Variants in EPC2 observed in about 807,000 individuals in gnomAD.
EPC2 encodes the protein enhancer of polycomb homolog 2.
A neutral mutation model predicts 92.1 loss-of-function variants in EPC2; 14 were observed. The observed-to-expected ratio is 0.15, with a 90% confidence interval of 0.10 to 0.24. EPC2 has a LOEUF of 0.24. EPC2 is among the 10% of genes least tolerant of loss of function. The pLI, the probability that EPC2 is intolerant of heterozygous loss-of-function variation, is 1.00. For synonymous variants in EPC2, 340 were observed against 334.7 expected (o/e 1.02, Z -0.17); for missense variants, 755 against 971.5 (o/e 0.78, Z 2.96).
Position 148,783,582 on chromosome 2 carries a change from T to C in EPC2, c.1858-15T>C. The C allele has an allele frequency of 6.3e-7, 1 of 1,593,432 alleles. No individual in the cohort carries two copies. Among genetic ancestry groups the C allele is most frequent in the Non-Finnish European group, 8.6e-7 (1 of 1,168,662 alleles). ...CATCTAAAAATTAGAGTGTTTAACT[T>C]TGTTCATTTTATAGGGCTCAAGCAC... On this transcript the variant is annotated splice_polypyrimidine_tract_variant and intron_variant, in intron 11 of 13. Transcript: ENST00000258484.
Position 148,653,952 on chromosome 2 carries a change from T to G in EPC2, c.153+8782T>G, listed in dbSNP as rs1680737808. Among the ~76,000 whole-genome samples, 11 of 101,548 alleles carry G rather than the reference T, an allele frequency of 1.1e-4. No homozygotes were observed. The South Asian group carries it at 5.4e-3, about 50-fold the overall frequency. The allele number at this position is 101,548 out of a possible 152,430, so 66.6% of individuals were successfully genotyped here. ...TTTTAAAGATTACTTTTTTTTTTGT[T>G]TTTTTTTTTTTTGGAGACAGGGTCT... On this transcript the variant is annotated intron_variant, in intron 1 of 13. Coordinates refer to ENST00000258484, the MANE Select transcript of EPC2 (RefSeq NM_015630.4).
At chr2:148,675,490 A>AT (rs1004194584) in intron 1 of EPC2, among the ~76,000 whole-genome samples, 8 of 151,916 alleles carry the variant, frequency 5.3e-5, no homozygotes, top group Admixed American at 1.3e-4. Context: ...TCTTCTGTTC[A>AT]TTTTTTTAGA....
intron 2 of EPC2, among the ~76,000 whole-genome samples, chr2:148,698,012 G>T (rs1558812727): frequency 2.0e-5 from 3 of 151,944 alleles, no homozygotes; most frequent in Non-Finnish European, 2.9e-5. Context: ...CCTCAGTCAA[G>T]TGGGCTTTAT....
chr2:148,775,261 G>T (rs1038189716), intron 10 of EPC2, among the ~76,000 whole-genome samples: 7 of 152,038 alleles, frequency 4.6e-5, no homozygotes, highest in African/African-American at 1.7e-4. Context: ...TTTAAAAGTT[G>T]CAAGGTCTTA....
intron 1 of EPC2, among the ~76,000 whole-genome samples, chr2:148,670,625 A>AAAATAAAATT (rs1558803848): frequency 6.6e-6 from 1 of 152,240 alleles, no homozygotes; most frequent in East Asian, 1.9e-4. Context: ...AGCATGTCAA[A>AAAATAAAATT]CGTGGTTCTA....
Position 148,769,251 on chromosome 2 carries a change from T to C in EPC2, c.1230+11T>C, listed in dbSNP as rs756144596. ...TGCCAGTATTATGCTGTAAGAACTT[T>C]TGTGTGTGTGTGGTGTTTTTGTGAA... On this transcript the variant is annotated intron_variant, in intron 8 of 13. Coordinates refer to ENST00000258484, the MANE Select transcript of EPC2 (RefSeq NM_015630.4). The C allele has an allele frequency of 3.8e-6, 6 of 1,590,698 alleles. No homozygotes were observed. The highest frequency in any genetic ancestry group is 1.3e-5 in the African/African-American group (1 of 74,684).
At position 148,784,957 on chromosome 2, in the gene EPC2, A is replaced by G; in HGVS notation, c.2307A>G (p.Arg769=). ...CCACAGTTGCTGCCAGTATGGACAG[A>G]GTGCCAAAGGTTACTCCCAGCAGTG... ...KLATVAASMD[R]VPKVTPSSAI... Residue 769 remains arginine (R), a synonymous_variant, in exon 13 of 14, where the codon AGA becomes AGG. Coordinates refer to ENST00000258484, the MANE Select transcript of EPC2 (RefSeq NM_015630.4). 6.4e-7 allele frequency: 1 copy of G among 1,556,214 alleles called. No homozygotes were observed. The highest frequency in any genetic ancestry group is 1.3e-5 in the South Asian group (1 of 79,778).
intron 3 of EPC2, among the ~76,000 whole-genome samples, chr2:148,752,979 T>A (rs1683107851): frequency 6.6e-6 from 1 of 152,190 alleles, no homozygotes; most frequent in Non-Finnish European, 1.5e-5. Flanking sequence ...TCTAAAATAA[T>A]ACAAGTAAAA....
At position 148,787,378 on chromosome 2, in the gene EPC2, GTC is replaced by G. The variant is rs1308316236; in HGVS notation, c.*1003_*1004del. On this transcript the variant is annotated 3_prime_UTR_variant, in exon 14 of 14. Coordinates refer to ENST00000258484, the MANE Select transcript of EPC2 (RefSeq NM_015630.4). ...CAAGGCAAGTAACGGGTTGGAAAAA[GTC>G]TGACTGTAAGCGTTGGACACCTTCA... 6.6e-6 allele frequency: 1 copy of G among 152,606 alleles called. No individual in the cohort carries two copies. Among genetic ancestry groups the G allele is most frequent in the Non-Finnish European group, 1.5e-5 (1 of 68,036 alleles). 9.5% of individuals were successfully genotyped at this position (152,606 alleles called of 1,614,324 possible).
intron 2 of EPC2, among the ~76,000 whole-genome samples, chr2:148,709,690 C>T (rs1474641515): frequency 6.6e-6 from 1 of 152,140 alleles, no homozygotes; most frequent in Non-Finnish European, 1.5e-5. Context: ...GAAATAATGC[C>T]ACATATCTAC....
chr2:148,763,507 G>A (rs1013790387), intron 6 of EPC2, among the ~76,000 whole-genome samples: 2 of 151,942 alleles, frequency 1.3e-5, no homozygotes, highest in African/African-American at 4.9e-5. Flanking sequence ...CTAGACAATA[G>A]AGCTTTACTC....
intron 2 of EPC2, among the ~76,000 whole-genome samples, chr2:148,690,616 C>T (rs1681626127): frequency 6.6e-6 from 1 of 151,810 alleles, no homozygotes; most frequent in Non-Finnish European, 1.5e-5. Context: ...AGCACTTATA[C>T]TTTATTACAT....
At chr2:148,659,736 T>C (rs988187442) in intron 1 of EPC2, among the ~76,000 whole-genome samples, 1 of 152,006 alleles carries the variant, frequency 6.6e-6, no homozygotes, top group African/African-American at 2.4e-5. Context: ...TTAAAAAAAA[T>C]CTAGATACCA....
chr2:148,715,996 G>T (rs913268779), intron 2 of EPC2, among the ~76,000 whole-genome samples: 8 of 152,128 alleles, frequency 5.3e-5, no homozygotes, highest in Non-Finnish European at 8.8e-5. Flanking sequence ...TTGTGAATGT[G>T]AGTTCATTCG....
chr2:148,778,307 A>G (rs1050185562), intron 10 of EPC2, among the ~76,000 whole-genome samples: 4 of 152,184 alleles, frequency 2.6e-5, no homozygotes, highest in Admixed American at 2.6e-4. Flanking sequence ...CCACTTGCCC[A>G]TGGTGCCACG....
At chr2:148,698,785 T>C (rs939030489) in intron 2 of EPC2, among the ~76,000 whole-genome samples, 5 of 148,070 alleles carry the variant, frequency 3.4e-5, no homozygotes, top group Non-Finnish European at 7.4e-5. Context: ...AATAATTCTG[T>C]CTCTCCAAGA....
At chr2:148,653,604 C>A (rs974097604) in intron 1 of EPC2, among the ~76,000 whole-genome samples, 2 of 152,140 alleles carry the variant, frequency 1.3e-5, no homozygotes, top group African/African-American at 4.8e-5. Context: ...TTTTGTTTTA[C>A]TGTAAGCAGC....
intron 4 of EPC2, among the ~76,000 whole-genome samples, chr2:148,754,960 C>T (rs1279712012): frequency 2.6e-5 from 4 of 152,102 alleles, no homozygotes; most frequent in East Asian, 1.9e-4. Context: ...GTATCAGGAA[C>T]GTATAAATGT....
chr2:148,764,832 T>C, intron 6 of EPC2, 123 bp from the exon 7 acceptor site: 1 of 711,402 alleles, frequency 1.4e-6, no homozygotes, highest in Non-Finnish European at 2.0e-6. Flanking sequence ...TTTTGCGTAT[T>C]AAAAACAATA....
Sources: gnomAD v4.1 joint callset for allele counts (sites outside exome capture counted in the v4.1 genomes callset) on GRCh38, gnomAD v4.1.1 for gene constraint, MANE v1.5 for transcripts, NCBI Gene and HGNC (gene_info 2026-07-23, HGNC 2026-07-21) for gene names.